Variants in ZBTB20 observed in about 807,000 individuals in gnomAD.
The protein encoded by ZBTB20 is zinc finger and BTB domain-containing protein 20.
In ZBTB20, 9 loss-of-function variants were observed where a neutral mutation model predicts 56.9. The ratio of observed to expected loss-of-function variants is 0.16; its 90% CI spans 0.10 to 0.28. The LOEUF is 0.28. Ranked by LOEUF, ZBTB20 falls within the 10% of genes least tolerant of loss-of-function variation. The pLI, the probability that ZBTB20 is intolerant of heterozygous loss-of-function variation, is 1.00. For synonymous variants in ZBTB20, 417 were observed against 420.7 expected, an observed-to-expected ratio of 0.99 and a Z score of 0.11; for missense variants, 655 against 1,003.0, an observed-to-expected ratio of 0.65 and a Z score of 4.69.
Position 114,332,058 on chromosome 3 carries a change from GTTTTTTTTTTTTT to G in ZBTB20, c.*6934_*6946del, listed in dbSNP as rs71146316. ...ACTAGTAGAAACAGATGCCCCCAAGGTTTTTTTTTTTTTTTTTTTTTTTTTCTCTCTTGGATGT... is the reference window on the plus strand; with the variant it reads ...ACTAGTAGAAACAGATGCCCCCAAGGTTTTTTTTTTTTCTCTCTTGGATGT... On this transcript the variant is annotated 3_prime_UTR_variant, in exon 12 of 12. Coordinates refer to ENST00000675478, the MANE Select transcript of ZBTB20 (RefSeq NM_001348800.3). The G allele has an allele frequency of 5.9e-5, 5 of 85,414 alleles. No individual in the cohort carries two copies. Among genetic ancestry groups the G allele is most frequent in the South Asian group, 9.8e-4 (2 of 2,038 alleles). 5.3% of individuals were successfully genotyped at this position (85,414 alleles called of 1,614,324 possible). A position where few individuals can be genotyped will look rare whatever the true frequency, so the allele number is the denominator to read the frequency against.
intron 7 of ZBTB20, among the ~76,000 whole-genome samples, chr3:114,390,403 C>T (rs2085730052): frequency 1.3e-5 from 2 of 152,188 alleles, no homozygotes; most frequent in African/African-American, 4.8e-5. Context: ...ACCCATTGAT[C>T]TGGGCATGTT....
chr3:114,699,007 T>G (rs1316314474), intron 5 of ZBTB20, among the ~76,000 whole-genome samples: 18 of 152,154 alleles, frequency 1.2e-4, no homozygotes. Flanking sequence ...ACAAGAAATC[T>G]TAGGCTATAT....
intron 6 of ZBTB20, among the ~76,000 whole-genome samples, chr3:114,635,321 A>G (rs2059200525): frequency 2.0e-5 from 3 of 152,104 alleles, no homozygotes; most frequent in African/African-American, 7.2e-5. Flanking sequence ...AGCACCATGA[A>G]CTGGTAAAGG....
At chr3:114,905,460 G>T (rs544194575) in intron 3 of ZBTB20, among the ~76,000 whole-genome samples, 4 of 151,870 alleles carry the variant, frequency 2.6e-5, no homozygotes, top group South Asian at 2.1e-4. Context: ...TTTTACATAA[G>T]ACTGTAAACT....
At chr3:114,533,609 C>T (rs1233584165) in intron 6 of ZBTB20, among the ~76,000 whole-genome samples, 1 of 152,040 alleles carries the variant, frequency 6.6e-6, no homozygotes, top group Non-Finnish European at 1.5e-5. Flanking sequence ...CAAGACAGGC[C>T]AACATTCAAA....
chr3:114,659,830 T>C (rs1199185675), intron 6 of ZBTB20, among the ~76,000 whole-genome samples: 2 of 152,158 alleles, frequency 1.3e-5, no homozygotes, highest in Non-Finnish European at 2.9e-5. Context: ...TTTAAAAACT[T>C]TGTTTTTTAA....
intron 7 of ZBTB20, among the ~76,000 whole-genome samples, chr3:114,434,859 G>C (rs2090406289): frequency 6.6e-6 from 1 of 152,070 alleles, no homozygotes; most frequent in Admixed American, 6.6e-5. Context: ...AAAAAATCCA[G>C]GTGGGAGGCA....
At chr3:114,499,792 CCTT>C (rs1265335253) in intron 7 of ZBTB20, among the ~76,000 whole-genome samples, 3 of 151,824 alleles carry the variant, frequency 2.0e-5, no homozygotes, top group Non-Finnish European at 4.4e-5. Context: ...CCTTTATAAA[CCTT>C]CTGGCACACG....
intron 5 of ZBTB20, among the ~76,000 whole-genome samples, chr3:114,790,676 G>A (rs1402731707): frequency 6.6e-6 from 1 of 151,190 alleles, no homozygotes; most frequent in Admixed American, 6.6e-5. Context: ...GACCTATCTG[G>A]TACCAGCTTT....
intron 4 of ZBTB20, among the ~76,000 whole-genome samples, chr3:114,815,674 C>A (rs532360608): frequency 6.6e-6 from 1 of 152,080 alleles, no homozygotes; most frequent in East Asian, 1.9e-4. Context: ...TTGCTTATTA[C>A]TTCATGAATT....
intron 7 of ZBTB20, among the ~76,000 whole-genome samples, chr3:114,488,411 T>A (rs1047326006): frequency 6.6e-6 from 1 of 152,270 alleles, no homozygotes. Flanking sequence ...ACAAATATTT[T>A]TCCTAGTTTA....
At chr3:115,011,187 T>C (rs989813952) in intron 2 of ZBTB20, among the ~76,000 whole-genome samples, 11 of 151,778 alleles carry the variant, frequency 7.2e-5, no homozygotes, top group African/African-American at 2.7e-4. Flanking sequence ...GAAACCTGAT[T>C]ATTGGCCTTA....
chr3:114,511,822 C>T (rs896169389), intron 6 of ZBTB20, among the ~76,000 whole-genome samples: 2 of 152,042 alleles, frequency 1.3e-5, no homozygotes, highest in African/African-American at 4.8e-5. Flanking sequence ...ATGGATAAAA[C>T]TAGCTCAATA....
chr3:115,055,269 G>A (rs1012950389), intron 2 of ZBTB20, among the ~76,000 whole-genome samples: 5 of 135,946 alleles, frequency 3.7e-5, no homozygotes, highest in Admixed American at 2.4e-4. Context: ...ATGTCATAAG[G>A]ACACTCAAGC....
At chr3:114,483,441 G>C (rs2041770305) in intron 7 of ZBTB20, among the ~76,000 whole-genome samples, 1 of 151,782 alleles carries the variant, frequency 6.6e-6, no homozygotes. Flanking sequence ...CTCCCCTCTT[G>C]GTGAGGGCAG....
chr3:114,925,719 G>T (rs149155822), intron 3 of ZBTB20, among the ~76,000 whole-genome samples: 3 of 151,992 alleles, frequency 2.0e-5, no homozygotes, highest in Non-Finnish European at 4.4e-5. Context: ...GTAGAGACGG[G>T]GTTTCACCAT....
intron 4 of ZBTB20, among the ~76,000 whole-genome samples, chr3:114,801,870 C>T (rs2071745902): frequency 1.3e-5 from 2 of 151,868 alleles, no homozygotes; most frequent in African/African-American, 4.8e-5. Flanking sequence ...GTTTAAGTAA[C>T]TGTAAGCATG....
At chr3:115,032,958 T>TA (rs77048136) in intron 2 of ZBTB20, among the ~76,000 whole-genome samples, 3,519 of 56,516 alleles carry the variant, frequency 0.062, 103 homozygotes, top group African/African-American at 0.14. Flanking sequence ...CCTAAGGAAC[T>TA]AAAAAAAAAA....
chr3:115,069,212 G>A (rs1049598258), intron 2 of ZBTB20, among the ~76,000 whole-genome samples: 1 of 152,158 alleles, frequency 6.6e-6, no homozygotes, highest in African/African-American at 2.4e-5. Flanking sequence ...AAGGCATACA[G>A]TACAATGCCA....
Sources: gnomAD v4.1 joint callset for allele counts (sites outside exome capture counted in the v4.1 genomes callset) on GRCh38, gnomAD v4.1.1 for gene constraint, MANE v1.5 for transcripts, NCBI Gene and HGNC (gene_info 2026-07-23, HGNC 2026-07-21) for gene names.